ARID2: variants seen among roughly 807,000 people sequenced by gnomAD.
ARID2 encodes AT-rich interactive domain-containing protein 2.
ARID2 carries 32 observed loss-of-function variants against 184.6 expected under a neutral mutation model. That is an observed-to-expected ratio of 0.17 (90% CI 0.13 to 0.23). ARID2 has a LOEUF of 0.23. Ranked by LOEUF, ARID2 falls within the 10% of genes least tolerant of loss-of-function variation. The pLI, the probability that ARID2 is intolerant of heterozygous loss-of-function variation, is 1.00. For missense variants in ARID2, 1,696 were observed against 2,197.6 expected (o/e 0.77, Z 4.56); for synonymous variants, 836 against 772.6 (o/e 1.08, Z -1.36).
In ARID2 at chr12:45,880,784, T is replaced by C. The variant is rs1415133850; in HGVS notation, c.4923-10996T>C. Among the ~76,000 whole-genome samples, 12 of 152,298 alleles carry C rather than the reference T, an allele frequency of 7.9e-5. No homozygotes were observed. The South Asian group carries it at 2.5e-3, about 32-fold the overall frequency. On this transcript the variant is annotated intron_variant, in intron 16 of 20. Coordinates refer to ENST00000334344, the MANE Select transcript of ARID2 (RefSeq NM_152641.4). ...CAGGAAGTTTTAGCCATTGACATATTCTCTGCCCCTACCCCAGTTTGTCCA... is the reference window on the plus strand; with the variant it reads ...CAGGAAGTTTTAGCCATTGACATATCCTCTGCCCCTACCCCAGTTTGTCCA...
chr12:45,816,283 G>A (rs1330470073), intron 4 of ARID2, among the ~76,000 whole-genome samples: 2 of 152,092 alleles, frequency 1.3e-5, no homozygotes, highest in Non-Finnish European at 2.9e-5. Context: ...GTAAATATTT[G>A]TAACTCAGAC....
chr12:45,895,226 C>G (rs1403988268), intron 20 of ARID2, among the ~76,000 whole-genome samples: 2 of 152,204 alleles, frequency 1.3e-5, no homozygotes, highest in South Asian at 2.1e-4. Flanking sequence ...AGCTTGAACA[C>G]TTAGCACAGT....
intron 3 of ARID2, among the ~76,000 whole-genome samples, chr12:45,791,768 T>C (rs564207489): frequency 6.6e-6 from 1 of 152,288 alleles, no homozygotes; most frequent in East Asian, 1.9e-4. Context: ...GCCCAGATTG[T>C]AATTTATTTC....
rs1328896256 is a variant in ARID2 at position 45,793,545 on chromosome 12, G to A, written c.285-17873G>A. The stretch of plus-strand genomic sequence containing the variant: ...TATATATAACTGCCTTTATGTAACT[G>A]TGTGTGTGTGTGTGTGTGTATATGT... On this transcript the variant is annotated intron_variant, in intron 3 of 20. Coordinates refer to ENST00000334344, the MANE Select transcript of ARID2 (RefSeq NM_152641.4). Among the ~76,000 whole-genome samples, 3 of 146,116 alleles carry A rather than the reference G, an allele frequency of 2.1e-5. No individual in the cohort carries two copies. In the South Asian group the frequency reaches 6.4e-4, roughly 31 times the overall value.
chr12:45,852,819 G>A lies in ARID2; in HGVS notation c.4696G>A (p.Ala1566Thr), dbSNP rs1210757874. Residue 1566 changes from alanine (A) to threonine (T), a missense_variant, in exon 15 of 21, where the codon GCT becomes ACT. Around this residue, in one of 11 missense-constraint regions of ARID2, gnomAD observed 111 missense variants for 154.0 expected, o/e 0.72. Coordinates refer to ENST00000334344, the MANE Select transcript of ARID2 (RefSeq NM_152641.4). ...VPAGADPSTV[A>T]KVAIESAVQQ... Reference sequence around the variant, plus strand: ...AGCAGGAGCAGATCCAAGCACTGTAGCTAAAGTAGCAATAGAAAGTGCTGT... The same window carrying A: ...AGCAGGAGCAGATCCAAGCACTGTAACTAAAGTAGCAATAGAAAGTGCTGT... 6.2e-7 allele frequency: 1 copy of A among 1,613,796 alleles called. No homozygotes were observed. Among genetic ancestry groups the A allele is most frequent in the Non-Finnish European group, 8.5e-7 (1 of 1,179,940 alleles).
At chr12:45,746,632 C>T (rs76557272) in intron 3 of ARID2, among the ~76,000 whole-genome samples, 5,080 of 152,252 alleles carry the variant, frequency 0.033, 128 homozygotes, top group Non-Finnish European at 0.048. Context: ...GTGCCGGGCA[C>T]TGCACCAAGT....
chr12:45,878,005 G>A (rs1370474287), intron 16 of ARID2, among the ~76,000 whole-genome samples: 5 of 152,144 alleles, frequency 3.3e-5, no homozygotes, highest in Admixed American at 6.6e-5. Context: ...CAAAATTCTA[G>A]GTTAGTGGAT....
chr12:45,822,313 G>A (rs890992217), intron 6 of ARID2, among the ~76,000 whole-genome samples: 1 of 152,020 alleles, frequency 6.6e-6, no homozygotes, highest in African/African-American at 2.4e-5. Context: ...ACAAGCCTGA[G>A]CAACAAAGCA....
intron 7 of ARID2, 33 bp from the exon 8 acceptor site, chr12:45,836,708 A>G (rs764907386): frequency 1.9e-6 from 3 of 1,599,488 alleles, no homozygotes; most frequent in Non-Finnish European, 8.5e-7. Flanking sequence ...TAATAAATGA[A>G]ATATTAAGTG....
At chr12:45,804,016 G>T (rs1287306904) in intron 3 of ARID2, among the ~76,000 whole-genome samples, 2 of 152,160 alleles carry the variant, frequency 1.3e-5, no homozygotes. Flanking sequence ...ATGAAGAGAG[G>T]GAGAGAGGAG....
At chr12:45,875,302 G>C (rs566020756) in intron 16 of ARID2, among the ~76,000 whole-genome samples, 37 of 152,320 alleles carry the variant, frequency 2.4e-4, no homozygotes, top group African/African-American at 8.7e-4. Flanking sequence ...AGAGTGGTAA[G>C]TTTCAATAGC....
intron 4 of ARID2, among the ~76,000 whole-genome samples, chr12:45,816,654 A>G (rs765780110): frequency 2.5e-4 from 38 of 152,222 alleles, no homozygotes; most frequent in Non-Finnish European, 4.3e-4. Context: ...GTACTCACCA[A>G]TAATTGGAAA....
Position 45,833,925 on chromosome 12 carries a change from C to G in ARID2, c.706-2664C>G, listed in dbSNP as rs1943167335. 2.0e-5 allele frequency among the ~76,000 whole-genome samples: 3 copies of G among 152,150 alleles called. No individual in the cohort carries two copies. The South Asian group carries it at 6.2e-4, about 32-fold the overall frequency. ...AGCTCTTTCTCTGCATAACTCTTCC[C>G]TTATTGAAAATTTGCTCTCATATTC... On this transcript the variant is annotated intron_variant, in intron 6 of 20. Transcript: ENST00000334344.
chr12:45,793,213 C>T (rs1942324695), intron 3 of ARID2, among the ~76,000 whole-genome samples: 2 of 151,952 alleles, frequency 1.3e-5, no homozygotes, highest in African/African-American at 4.8e-5. Context: ...GACAAGAGAA[C>T]CGCTTGAACC....
intron 11 of ARID2, among the ~76,000 whole-genome samples, chr12:45,844,743 G>A (rs1943412182): frequency 6.6e-6 from 1 of 152,188 alleles, no homozygotes; most frequent in African/African-American, 2.4e-5. Context: ...TTAGTGTACT[G>A]TTACTTTCCT....
intron 4 of ARID2, among the ~76,000 whole-genome samples, chr12:45,812,813 C>G (rs921451538): frequency 2.0e-5 from 3 of 152,168 alleles, no homozygotes; most frequent in Non-Finnish European, 4.4e-5. Context: ...TTTCAACTTA[C>G]AACTCTGTGT....
At chr12:45,836,392 A>G (rs1345553327) in intron 6 of ARID2, among the ~76,000 whole-genome samples, 197 bp from the exon 7 acceptor site, 1 of 151,924 alleles carries the variant, frequency 6.6e-6, no homozygotes, top group African/African-American at 2.4e-5. Flanking sequence ...TAAATTTTCT[A>G]GTTTGTAGAG....
At chr12:45,752,965 A>C (rs960938638) in intron 3 of ARID2, among the ~76,000 whole-genome samples, 13 of 152,230 alleles carry the variant, frequency 8.5e-5, no homozygotes, top group African/African-American at 3.1e-4. Flanking sequence ...TTTGTTCATT[A>C]AAAGTTTTTT....
intron 3 of ARID2, among the ~76,000 whole-genome samples, chr12:45,753,641 C>T (rs944370844): frequency 2.0e-5 from 3 of 152,032 alleles, no homozygotes; most frequent in African/African-American, 4.8e-5. Flanking sequence ...CTCGCTCTGT[C>T]GCCCAGGCTG....
Sources: gnomAD v4.1 joint callset for allele counts (sites outside exome capture counted in the v4.1 genomes callset) on GRCh38, gnomAD v4.1.1 for gene constraint, gnomAD v4.1.1 regional missense constraint, MANE v1.5 for transcripts, NCBI Gene and HGNC (gene_info 2026-07-23, HGNC 2026-07-21) for gene names.